XKR6: variants seen among roughly 807,000 people sequenced by gnomAD.
XKR6 encodes XK related 6.
Under a neutral mutation model 56.7 loss-of-function variants are expected in XKR6, and 22 were observed. The observed-to-expected ratio is 0.39, with a 90% CI of 0.28 to 0.55. The LOEUF is 0.55. Ranked by LOEUF, XKR6 falls within the 20% of genes least tolerant of loss-of-function variation. The pLI, the probability that XKR6 is intolerant of heterozygous loss-of-function variation, is 0.66. For synonymous variants in XKR6, 524 were observed against 387.8 expected (o/e 1.35, Z -4.13); for missense variants, 852 against 889.0 (o/e 0.96, Z 0.53).
chr8:10,996,483 T>A (rs1798115865), intron 1 of XKR6, among the ~76,000 whole-genome samples: 1 of 152,222 alleles, frequency 6.6e-6, no homozygotes, highest in African/African-American at 2.4e-5. Context: ...ATCTCTATAC[T>A]GCTAAGAGCA....
At chr8:11,186,140 T>C (rs896724100) in intron 1 of XKR6, among the ~76,000 whole-genome samples, 1 of 152,028 alleles carries the variant, frequency 6.6e-6, no homozygotes, top group Non-Finnish European at 1.5e-5. Context: ...CTGCAATCAA[T>C]AGCATTTTTT....
At chr8:10,987,969 A>G (rs1031275660) in intron 1 of XKR6, among the ~76,000 whole-genome samples, 11 of 152,238 alleles carry the variant, frequency 7.2e-5, no homozygotes, top group Non-Finnish European at 1.3e-4. Flanking sequence ...CCAGGGGTTA[A>G]TGATGCTGTC....
intron 1 of XKR6, among the ~76,000 whole-genome samples, chr8:11,086,157 T>TA (rs1286798716): frequency 0.077 from 11,424 of 147,908 alleles, 581 homozygotes; most frequent in Non-Finnish European, 0.11. Context: ...TATTTTTTTT[T>TA]AAAAAAAACA....
At chr8:11,132,607 C>A (rs1323801107) in intron 1 of XKR6, among the ~76,000 whole-genome samples, 3 of 151,932 alleles carry the variant, frequency 2.0e-5, no homozygotes, top group African/African-American at 7.3e-5. Flanking sequence ...AGTGATCCAC[C>A]CACCTCGATC....
intron 1 of XKR6, among the ~76,000 whole-genome samples, chr8:11,035,531 C>G (rs1445784941): frequency 6.6e-6 from 1 of 152,148 alleles, no homozygotes; most frequent in African/African-American, 2.4e-5. Context: ...GGGAGGAACC[C>G]CAGTGGCCTA....
At chr8:11,154,133 G>A (rs924375584) in intron 1 of XKR6, among the ~76,000 whole-genome samples, 1 of 152,178 alleles carries the variant, frequency 6.6e-6, no homozygotes, top group Non-Finnish European at 1.5e-5. Context: ...TTTAGGGTGG[G>A]GGTTGGCCAC....
At chr8:11,048,793 C>T (rs1010106402) in intron 1 of XKR6, among the ~76,000 whole-genome samples, 1 of 152,192 alleles carries the variant, frequency 6.6e-6, no homozygotes, top group Non-Finnish European at 1.5e-5. Context: ...CTGCCCCTGG[C>T]TCTGCGTGGT....
intron 1 of XKR6, among the ~76,000 whole-genome samples, chr8:11,119,615 C>G (rs1055332043): frequency 2.0e-5 from 3 of 152,178 alleles, no homozygotes; most frequent in African/African-American, 4.8e-5. Context: ...TTATCCGAGA[C>G]TAGGATTGCA....
intron 1 of XKR6, chr8:11,108,389 C>T: frequency 2.2e-6 from 1 of 448,042 alleles, no homozygotes. Flanking sequence ...AAATCTGATA[C>T]CCCAAGACAT....
At position 10,978,549 on chromosome 8, in the gene XKR6, G is replaced by A. The variant is rs377361133; in HGVS notation, c.765-53719C>T. Among the ~76,000 whole-genome samples the A allele has an allele frequency of 7.2e-5, 11 of 152,298 alleles. No individual in the cohort carries two copies. The South Asian group carries it at 2.1e-3, about 29-fold the overall frequency. ...CACTTGGGCTTTTTATTAGGGTCTC[G>A]TGCATTCTCCTCCAGAGAAAGAAAC... On this transcript the variant is annotated intron_variant, in intron 1 of 2. Coordinates refer to ENST00000416569, the MANE Select transcript of XKR6 (RefSeq NM_173683.4).
intron 1 of XKR6, among the ~76,000 whole-genome samples, chr8:10,984,531 T>G (rs992876631): frequency 1.3e-5 from 2 of 151,852 alleles, no homozygotes; most frequent in African/African-American, 4.8e-5. Flanking sequence ...GGTAAAATTA[T>G]CATTGTTTTC....
intron 2 of XKR6, among the ~76,000 whole-genome samples, chr8:10,911,349 G>T (rs1241278550): frequency 6.8e-6 from 1 of 147,000 alleles, no homozygotes; most frequent in African/African-American, 2.5e-5. Flanking sequence ...ATGTGTGTGT[G>T]TGTGTGTATA....
chr8:11,098,128 T>C (rs1798331544), intron 1 of XKR6, among the ~76,000 whole-genome samples: 1 of 152,012 alleles, frequency 6.6e-6, no homozygotes. Context: ...ACTTCCGGCT[T>C]GTTAGGAAGG....
chr8:11,032,705 C>T (rs1799020617), intron 1 of XKR6, among the ~76,000 whole-genome samples: 1 of 152,156 alleles, frequency 6.6e-6, no homozygotes, highest in Non-Finnish European at 1.5e-5. Context: ...GAGCTGGGGC[C>T]ATTGCAGACT....
chr8:11,001,507 C>T (rs951230693), intron 1 of XKR6, among the ~76,000 whole-genome samples: 32 of 152,188 alleles, frequency 2.1e-4, no homozygotes, highest in African/African-American at 7.5e-4. Flanking sequence ...TGAGCAGAAA[C>T]ATGTCTAACA....
At chr8:11,110,415 T>C (rs1249022635) in intron 1 of XKR6, among the ~76,000 whole-genome samples, 1 of 152,220 alleles carries the variant, frequency 6.6e-6, no homozygotes, top group Non-Finnish European at 1.5e-5. Context: ...ATAGAAATGT[T>C]ATGAAAACTT....
intron 1 of XKR6, among the ~76,000 whole-genome samples, chr8:10,969,570 G>A (rs1257009193): frequency 6.6e-6 from 1 of 152,228 alleles, no homozygotes. Context: ...TCAAGAGAAT[G>A]CGGAGTAAGC....
At chr8:11,060,001 G>T (rs902269798) in intron 1 of XKR6, among the ~76,000 whole-genome samples, 1 of 152,188 alleles carries the variant, frequency 6.6e-6, no homozygotes, top group African/African-American at 2.4e-5. Context: ...GCCAGATACA[G>T]GCAATAAGGT....
chr8:10,968,240 C>T (rs920195509), intron 1 of XKR6, among the ~76,000 whole-genome samples: 5 of 152,356 alleles, frequency 3.3e-5, no homozygotes, highest in African/African-American at 7.2e-5. Context: ...CTCCGTCCTC[C>T]GTCAGCTGCC....
Sources: allele counts gnomAD v4.1 joint callset (sites outside exome capture counted in the v4.1 genomes callset), GRCh38; gene constraint gnomAD v4.1.1; transcripts MANE v1.5; gene names NCBI Gene and HGNC (gene_info 2026-07-23, HGNC 2026-07-21).